DYM: variants seen among roughly 807,000 people sequenced by gnomAD.
DYM encodes the protein dymeclin.
Under a neutral mutation model 93.1 loss-of-function variants are expected in DYM, and 78 were observed. The ratio of observed to expected loss-of-function variants is 0.84; its 90% CI spans 0.70 to 1.01. The LOEUF (loss-of-function observed/expected upper bound fraction) is 1.01, where lower values mean the gene tolerates loss of function less well. DYM is among the 50% of genes least tolerant of loss of function. DYM has a pLI of 0.00. For missense variants in DYM, 789 were observed against 845.0 expected (o/e 0.93, Z 0.82); for synonymous variants, 321 against 319.7 (o/e 1.00, Z -0.04).
chr18:49,172,117 G>C (rs983281069), intron 14 of DYM, among the ~76,000 whole-genome samples: 10 of 152,100 alleles, frequency 6.6e-5, no homozygotes, highest in Non-Finnish European at 1.2e-4. Context: ...TCTGCAAATA[G>C]AATTATACCT....
At chr18:49,121,806 T>A (rs757871884) in intron 15 of DYM, among the ~76,000 whole-genome samples, 1 of 152,188 alleles carries the variant, frequency 6.6e-6, no homozygotes, top group African/African-American at 2.4e-5. Context: ...CAGCCAAGTA[T>A]CCTATACACA....
intron 1 of DYM, among the ~76,000 whole-genome samples, chr18:49,440,515 TATTTATATA>T (rs1427667657): frequency 1.8e-5 from 1 of 54,108 alleles, no homozygotes; most frequent in African/African-American, 7.5e-5. Flanking sequence ...ATATATTATA[TATTTATATA>T]ATATATGACT....
intron 5 of DYM, among the ~76,000 whole-genome samples, chr18:49,366,579 C>T (rs754033446): frequency 6.6e-6 from 1 of 152,146 alleles, no homozygotes; most frequent in African/African-American, 2.4e-5. Context: ...ATCTCTTGAG[C>T]CCAGGAGTTG....
At chr18:49,123,658 T>C (rs899533083) in intron 15 of DYM, among the ~76,000 whole-genome samples, 42 of 152,178 alleles carry the variant, frequency 2.8e-4, no homozygotes, top group African/African-American at 9.9e-4. Context: ...CTGTCTCATT[T>C]TGGGATTTGG....
At chr18:49,113,270 T>A (rs952815554) in intron 16 of DYM, among the ~76,000 whole-genome samples, 2 of 152,184 alleles carry the variant, frequency 1.3e-5, no homozygotes, top group African/African-American at 4.8e-5. Flanking sequence ...TTATAGTTCA[T>A]TGCATCTGTC....
At chr18:49,457,061 G>A (rs1041919258) in intron 1 of DYM, among the ~76,000 whole-genome samples, 4 of 152,162 alleles carry the variant, frequency 2.6e-5, no homozygotes, top group African/African-American at 9.7e-5. Context: ...AAGCAGCAAT[G>A]GGCATCTTAT....
chr18:49,368,929 C>T (rs1033335958), intron 5 of DYM, among the ~76,000 whole-genome samples: 1 of 152,170 alleles, frequency 6.6e-6, no homozygotes, highest in African/African-American at 2.4e-5. Context: ...TCGTTTTGAT[C>T]TCTCACAAGT....
At position 49,331,898 on chromosome 18, in the gene DYM, TC is replaced by T. The variant is rs2063331216; in HGVS notation, c.728del (p.Gly243GlufsTer11). 1 of 1,613,994 alleles carries T rather than the reference TC, an allele frequency of 6.2e-7. No individual in the cohort carries two copies. ...CTGATGCAAGTCCATAAAGCAGTCC[TC>T]CCCCATCCGACTGCTGAGGGAAAAC... ...AHVFPQQSDG[G>X]GLLYGLASGV... On this transcript the variant is annotated frameshift_variant, in exon 8 of 18. Coordinates refer to ENST00000675505, the MANE Select transcript of DYM (RefSeq NM_001353214.3). LOFTEE classifies it high-confidence loss of function.
intron 6 of DYM, among the ~76,000 whole-genome samples, chr18:49,345,641 G>T (rs188702487): frequency 6.6e-6 from 1 of 152,156 alleles, no homozygotes; most frequent in Admixed American, 6.6e-5. Context: ...GCAAGAAGAA[G>T]AGTAGTAAGA....
In DYM at chr18:49,119,516, C is replaced by T. The variant is rs562859662; in HGVS notation, c.1729-590G>A. 5.3e-5 allele frequency among the ~76,000 whole-genome samples: 8 copies of T among 152,296 alleles called. No homozygotes were observed. The South Asian group carries it at 1.7e-3, about 32-fold the overall frequency. Reference sequence around the variant, plus strand: ...TGGAAGAAAAGGGCAATGGAAAGAGCAAGCACATGGGTATATACAACAGAC... The same window carrying T: ...TGGAAGAAAAGGGCAATGGAAAGAGTAAGCACATGGGTATATACAACAGAC... On this transcript the variant is annotated intron_variant, in intron 15 of 17. Transcript: ENST00000675505.
At chr18:49,439,535 T>C (rs983023585) in intron 1 of DYM, among the ~76,000 whole-genome samples, 3 of 152,170 alleles carry the variant, frequency 2.0e-5, no homozygotes, top group African/African-American at 7.2e-5. Flanking sequence ...TTATCCCTAA[T>C]CAATCTCCAG....
At chr18:49,077,197 T>C (rs1211482345) in intron 17 of DYM, among the ~76,000 whole-genome samples, 1 of 152,224 alleles carries the variant, frequency 6.6e-6, no homozygotes, top group Non-Finnish European at 1.5e-5. Context: ...TTGTATACAA[T>C]TGTGTGACCA....
intron 15 of DYM, among the ~76,000 whole-genome samples, chr18:49,121,611 C>T (rs1481446323): frequency 6.6e-6 from 1 of 152,080 alleles, no homozygotes; most frequent in East Asian, 1.9e-4. Flanking sequence ...GTACTTAGAT[C>T]CATCAAATTC....
chr18:49,244,210 C>G (rs1007627308), intron 13 of DYM, among the ~76,000 whole-genome samples: 14 of 152,278 alleles, frequency 9.2e-5, no homozygotes, highest in African/African-American at 3.4e-4. Context: ...CTTGGGAGAA[C>G]TGAGGAAATC....
intron 13 of DYM, among the ~76,000 whole-genome samples, chr18:49,251,711 C>A (rs964419286): frequency 6.6e-6 from 1 of 152,124 alleles, no homozygotes; most frequent in African/African-American, 2.4e-5. Flanking sequence ...AGATGGGAAA[C>A]TGCTGCATAG....
chr18:49,081,386 C>A (rs1486939495), intron 17 of DYM, among the ~76,000 whole-genome samples: 4 of 149,966 alleles, frequency 2.7e-5, no homozygotes, highest in Non-Finnish European at 1.5e-5. Flanking sequence ...TGCCTGCAAT[C>A]GCAGGCACTC....
At chr18:49,427,401 A>T (rs2074390208) in intron 2 of DYM, among the ~76,000 whole-genome samples, 1 of 152,200 alleles carries the variant, frequency 6.6e-6, no homozygotes, top group South Asian at 2.1e-4. Context: ...ACATTAGAAG[A>T]CATTTAAGGA....
At position 49,361,069 on chromosome 18, in the gene DYM, G is replaced by A. The variant is rs143739695; in HGVS notation, c.494+2092C>T. On this transcript the variant is annotated intron_variant, in intron 6 of 17. Transcript: ENST00000675505. Reference sequence around the variant, plus strand: ...CTATGTCACATGGTCACATGGAACCGCCAAAGTGTCTGAAAAACTAATCTG... The same window carrying A: ...CTATGTCACATGGTCACATGGAACCACCAAAGTGTCTGAAAAACTAATCTG... Among the ~76,000 whole-genome samples, 564 of 152,280 alleles carry A rather than the reference G, an allele frequency of 3.7e-3. 9 individuals are homozygous for A. Among genetic ancestry groups the A allele is most frequent in the African/African-American group, 0.013 (520 of 41,558 alleles).
chr18:49,151,208 A>G (rs2085779030), intron 15 of DYM, among the ~76,000 whole-genome samples: 1 of 152,234 alleles, frequency 6.6e-6, no homozygotes, highest in Non-Finnish European at 1.5e-5. Flanking sequence ...TCTTAAGTCT[A>G]GATAAAGTCT....
Sources: gnomAD v4.1 joint callset for allele counts (sites outside exome capture counted in the v4.1 genomes callset) on GRCh38, gnomAD v4.1.1 for gene constraint, MANE v1.5 for transcripts, NCBI Gene and HGNC (gene_info 2026-07-23, HGNC 2026-07-21) for gene names.